Variants in NRDC observed in about 807,000 individuals in gnomAD.
NRDC encodes the protein nardilysin convertase, also known as nardilysin.
NRDC carries 54 observed loss-of-function variants against 147.1 expected under a neutral mutation model. The observed-to-expected ratio is 0.37, with a 90% CI of 0.29 to 0.46. The LOEUF is 0.46. Among genes scored for constraint, NRDC ranks in the 20% least tolerant of loss-of-function variants. NRDC has a pLI of 1.00. For missense variants in NRDC, 1,082 were observed against 1,370.6 expected, an observed-to-expected ratio of 0.79 and a Z score of 3.33; for synonymous variants, 440 against 482.1, an observed-to-expected ratio of 0.91 and a Z score of 1.14.
chr1:51,830,291 T>C (rs1392138039), intron 4 of NRDC, among the ~76,000 whole-genome samples: 2 of 152,212 alleles, frequency 1.3e-5, no homozygotes, highest in Non-Finnish European at 2.9e-5. Context: ...GAAAGTATAA[T>C]TATTTTAGAA....
At chr1:51,793,644 A>G (rs960952075) in intron 24 of NRDC, among the ~76,000 whole-genome samples, 2 of 152,216 alleles carry the variant, frequency 1.3e-5, no homozygotes, top group Non-Finnish European at 2.9e-5. Context: ...GGGCAGAGAT[A>G]CAAGACAAAG....
intron 1 of NRDC, among the ~76,000 whole-genome samples, chr1:51,870,649 G>A (rs770291197): frequency 5.3e-5 from 8 of 151,952 alleles, no homozygotes; most frequent in African/African-American, 1.7e-4. Flanking sequence ...ATCCATACTC[G>A]TTACTTCCTT....
chr1:51,809,762 C>G (rs950892825), intron 16 of NRDC, among the ~76,000 whole-genome samples: 1 of 152,048 alleles, frequency 6.6e-6, no homozygotes, highest in Non-Finnish European at 1.5e-5. Context: ...ATTAGCCGGG[C>G]ATGGTGGCAT....
At chr1:51,834,277 C>T in intron 3 of NRDC, 107 bp from the exon 4 acceptor site, 1 of 1,117,142 alleles carries the variant, frequency 9.0e-7, no homozygotes, top group Non-Finnish European at 1.3e-6. Flanking sequence ...AATAGACCAA[C>T]ACATCAAATG....
intron 1 of NRDC, among the ~76,000 whole-genome samples, chr1:51,871,793 T>C (rs985863629): frequency 4.6e-5 from 7 of 152,200 alleles, no homozygotes; most frequent in African/African-American, 1.7e-4. Context: ...CTGACTCTCC[T>C]ACAGCAGATC....
At chr1:51,857,575 TG>T (rs1157815271) in intron 1 of NRDC, among the ~76,000 whole-genome samples, 1 of 152,154 alleles carries the variant, frequency 6.6e-6, no homozygotes, top group Non-Finnish European at 1.5e-5. Context: ...ACTGATATCG[TG>T]GTAAGTTCTC....
chr1:51,854,934 G>A (rs1331305355), intron 1 of NRDC, among the ~76,000 whole-genome samples: 1 of 152,194 alleles, frequency 6.6e-6, no homozygotes, highest in Non-Finnish European at 1.5e-5. Flanking sequence ...ACTGAACTCT[G>A]ACTCCCCTTC....
Position 51,870,607 on chromosome 1 carries a change from GA to G in NRDC, c.341+7667del, listed in dbSNP as rs547296304. Among the ~76,000 whole-genome samples the G allele has an allele frequency of 3.1e-3, 474 of 152,160 alleles. 2 individuals carry two copies. The highest frequency in any genetic ancestry group is 4.9e-3 in the Non-Finnish European group (333 of 68,000). ...AATGACTACTTTACAAATAAGAGGG[GA>G]AAGTCACCCTTTCAAGTTTTCACTG... On this transcript the variant is annotated intron_variant, in intron 1 of 30. Coordinates refer to ENST00000352171, the MANE Select transcript of NRDC (RefSeq NM_001101662.2).
chr1:51,816,472 T>C (rs1220872616), intron 10 of NRDC, 83 bp from the exon 11 acceptor site: 15 of 634,608 alleles, frequency 2.4e-5, no homozygotes, highest in Non-Finnish European at 3.7e-5. Context: ...GCTACAATAA[T>C]TGAAAATATA....
chr1:51,830,039 A>T (rs1433353889), intron 4 of NRDC, among the ~76,000 whole-genome samples: 1 of 139,992 alleles, frequency 7.1e-6, no homozygotes, highest in Non-Finnish European at 1.5e-5. Context: ...ATCTCGGCTC[A>T]CTGCAAGCTC....
rs914489974 is a variant in NRDC, at chr1:51,834,271, G to A, written c.713-101C>T. 12 of 1,163,840 alleles carry A rather than the reference G, an allele frequency of 1.0e-5. No individual in the cohort carries two copies. The South Asian group carries it at 1.7e-4, about 16-fold the overall frequency. 72.1% of individuals were successfully genotyped at this position (1,163,840 alleles called of 1,614,324 possible). A position where few individuals can be genotyped will look rare whatever the true frequency, so the allele number is the denominator to read the frequency against. The stretch of plus-strand genomic sequence containing the variant: ...TGCATAGAAAAACTGAAAGAAAATA[G>A]ACCAACACATCAAATGGTTATGTCT... On this transcript the variant is annotated intron_variant, in intron 3 of 30. Transcript: ENST00000352171.
At chr1:51,829,325 C>T (rs1229943724) in intron 4 of NRDC, among the ~76,000 whole-genome samples, 1 of 152,196 alleles carries the variant, frequency 6.6e-6, no homozygotes, top group Non-Finnish European at 1.5e-5. Flanking sequence ...GGATTATAGG[C>T]ATGAGTCACC....
intron 1 of NRDC, among the ~76,000 whole-genome samples, chr1:51,845,596 A>AAAAAGAAAAG (rs71063056): frequency 2.6e-5 from 4 of 152,048 alleles, no homozygotes; most frequent in African/African-American, 7.3e-5. Flanking sequence ...CCGTCACAAA[A>AAAAAGAAAAG]AAAAGAAAAG....
At position 51,836,938 on chromosome 1, in the gene NRDC, T is replaced by C. The variant is rs184688419; in HGVS notation, c.631-726A>G. The stretch of plus-strand genomic sequence containing the variant: ...GTACACCAAACTGCACTTAAAATGA[T>C]TGGGACTTTTTTTTTTTTTTTTTTT... On this transcript the variant is annotated intron_variant, in intron 2 of 30. Coordinates refer to ENST00000352171, the MANE Select transcript of NRDC (RefSeq NM_001101662.2). Among the ~76,000 whole-genome samples, 1,061 of 146,740 alleles carry C rather than the reference T, an allele frequency of 7.2e-3. 7 individuals are homozygous for C. The highest frequency in any genetic ancestry group is 0.017 in the South Asian group (76 of 4,388).
At chr1:51,846,586 TC>T (rs1482380552) in intron 1 of NRDC, among the ~76,000 whole-genome samples, 2 of 152,238 alleles carry the variant, frequency 1.3e-5, no homozygotes, top group Non-Finnish European at 2.9e-5. Flanking sequence ...GTTCAGAGTT[TC>T]TTCCTGCCTG....
At chr1:51,798,061 T>C in intron 22 of NRDC, 188 bp downstream of exon 22, 1 of 539,762 alleles carries the variant, frequency 1.9e-6, no homozygotes. Context: ...TGAGCCATCA[T>C]TCCCAGCCCA....
Position 51,878,517 on chromosome 1 carries a change from C to T in NRDC, c.99G>A (p.Arg33=). The T allele has an allele frequency of 1.2e-6, 2 of 1,613,834 alleles. No homozygotes were observed. The change falls in exon 1 of 31, where the codon CGG becomes CGA. Residue 33 remains arginine (R), a synonymous_variant. Coordinates refer to ENST00000352171, the MANE Select transcript of NRDC (RefSeq NM_001101662.2). Reference sequence around the variant, plus strand: ...CAGCAGCAGAGTCTTCGCACCGACCCCGCGTTTCGATTCCCCAGAGCGCCG... The same window carrying T: ...CAGCAGCAGAGTCTTCGCACCGACCTCGCGTTTCGATTCCCCAGAGCGCCG... ...ELAALWGIET[R]GRCEDSAAAR...
chr1:51,842,623 T>G (rs903014785), intron 1 of NRDC, among the ~76,000 whole-genome samples: 4 of 152,136 alleles, frequency 2.6e-5, no homozygotes, highest in Admixed American at 6.6e-5. Context: ...TGGTTAATCT[T>G]AAAAACATGA....
At chr1:51,866,337 T>A (rs1439819469) in intron 1 of NRDC, among the ~76,000 whole-genome samples, 1 of 152,142 alleles carries the variant, frequency 6.6e-6, no homozygotes, top group Admixed American at 6.5e-5. Context: ...CACAACCCAT[T>A]AGAAGAGTAC....
Sources: gnomAD v4.1 joint callset for allele counts (sites outside exome capture counted in the v4.1 genomes callset) on GRCh38, gnomAD v4.1.1 for gene constraint, MANE v1.5 for transcripts, NCBI Gene and HGNC (gene_info 2026-07-23, HGNC 2026-07-21) for gene names.